Variants in SUSD6 observed in about 807,000 individuals in gnomAD.
SUSD6 encodes sushi domain containing 6.
In SUSD6, 16 loss-of-function variants were observed where a neutral mutation model predicts 28.4. That is an observed-to-expected ratio of 0.56 (90% CI 0.38 to 0.86). SUSD6 has a LOEUF of 0.86. Among genes scored for constraint, SUSD6 ranks in the 40% least tolerant of loss-of-function variants. The pLI, the probability that SUSD6 is intolerant of heterozygous loss-of-function variation, is 0.00. For missense variants in SUSD6, 341 were observed against 384.2 expected (o/e 0.89, Z 0.94); for synonymous variants, 147 against 159.6 (o/e 0.92, Z 0.59).
chr14:69,636,495 C>T (rs763384038), intron 1 of SUSD6, among the ~76,000 whole-genome samples: 13 of 152,352 alleles, frequency 8.5e-5, no homozygotes, highest in East Asian at 3.9e-4. Flanking sequence ...ACCTCAGACT[C>T]GCCTCCTCTT....
chr14:69,657,385 G>A (rs941217544), intron 1 of SUSD6, among the ~76,000 whole-genome samples: 3 of 152,098 alleles, frequency 2.0e-5, no homozygotes, highest in African/African-American at 7.2e-5. Flanking sequence ...AACCCGGGAG[G>A]TGGAGGTTGC....
At chr14:69,697,247 G>A (rs1449535451) in intron 2 of SUSD6, among the ~76,000 whole-genome samples, 3 of 152,142 alleles carry the variant, frequency 2.0e-5, no homozygotes, top group African/African-American at 7.2e-5. Flanking sequence ...CTTGGTTTTG[G>A]TGGGTTTTGG....
At chr14:69,671,995 C>T (rs575852477) in intron 2 of SUSD6, among the ~76,000 whole-genome samples, 7 of 152,216 alleles carry the variant, frequency 4.6e-5, no homozygotes, top group Admixed American at 1.3e-4. Context: ...GTAAAAGTCC[C>T]GGGTAAACAA....
chr14:69,689,809 G>A (rs1406746476), intron 2 of SUSD6, among the ~76,000 whole-genome samples: 1 of 152,170 alleles, frequency 6.6e-6, no homozygotes, highest in Non-Finnish European at 1.5e-5. Flanking sequence ...GGAATTACAG[G>A]TGTGTGCCAC....
chr14:69,617,717 A>G (rs1048759246), intron 1 of SUSD6: 1 of 152,210 alleles, frequency 6.6e-6, no homozygotes, highest in African/African-American at 2.4e-5. Flanking sequence ...TTCCTTATCA[A>G]ATGTGATTTA....
intron 2 of SUSD6, among the ~76,000 whole-genome samples, chr14:69,686,996 T>C (rs1448895035): frequency 6.6e-6 from 1 of 152,212 alleles, no homozygotes; most frequent in Admixed American, 6.5e-5. Flanking sequence ...TTATTTTGAG[T>C]CAGAGTCTTG....
At chr14:69,678,414 A>G (rs1885947125) in intron 2 of SUSD6, among the ~76,000 whole-genome samples, 1 of 151,736 alleles carries the variant, frequency 6.6e-6, no homozygotes, top group Non-Finnish European at 1.5e-5. Context: ...ATTTGCAGTG[A>G]TGATATGTAA....
intron 1 of SUSD6, among the ~76,000 whole-genome samples, chr14:69,629,948 T>G (rs932192738): frequency 8.5e-5 from 13 of 152,234 alleles, no homozygotes; most frequent in African/African-American, 3.1e-4. Context: ...AAACATTGTC[T>G]TGTCTCATTT....
At chr14:69,702,767 CAAAT>C (rs1216792458) in intron 2 of SUSD6, among the ~76,000 whole-genome samples, 1 of 152,152 alleles carries the variant, frequency 6.6e-6, no homozygotes, top group East Asian at 1.9e-4. Context: ...GTTGTCAGGA[CAAAT>C]AAGGCGGGAG....
At chr14:69,623,338 T>C (rs2139592593) in intron 1 of SUSD6, among the ~76,000 whole-genome samples, 1 of 152,344 alleles carries the variant, frequency 6.6e-6, no homozygotes. Context: ...TTCTATCATC[T>C]AGTGACATTG....
intron 2 of SUSD6, among the ~76,000 whole-genome samples, chr14:69,665,335 G>A (rs1032046073): frequency 2.0e-5 from 3 of 152,104 alleles, no homozygotes; most frequent in African/African-American, 7.2e-5. Context: ...CTGCCTCCTG[G>A]GTTAAAGTGA....
intron 2 of SUSD6, among the ~76,000 whole-genome samples, chr14:69,680,211 C>T (rs1033384721): frequency 2.0e-4 from 31 of 152,122 alleles, no homozygotes; most frequent in African/African-American, 7.2e-4. Flanking sequence ...TCTCTGCAGC[C>T]CCTAACCCAC....
intron 1 of SUSD6, among the ~76,000 whole-genome samples, chr14:69,648,777 A>T (rs1885462860): frequency 6.6e-6 from 1 of 152,184 alleles, no homozygotes; most frequent in Non-Finnish European, 1.5e-5. Flanking sequence ...GGAATACCAA[A>T]ATTTAGCTCC....
intron 1 of SUSD6, among the ~76,000 whole-genome samples, chr14:69,628,778 T>TG (rs1885152666): frequency 2.0e-5 from 3 of 146,838 alleles, no homozygotes; most frequent in African/African-American, 7.6e-5. Flanking sequence ...TGGAGTGCAG[T>TG]GGGGCTATGT....
chr14:69,638,016 T>G (rs539721452), intron 1 of SUSD6, among the ~76,000 whole-genome samples: 1 of 152,364 alleles, frequency 6.6e-6, no homozygotes, highest in East Asian at 1.9e-4. Flanking sequence ...ACTCTTGCTG[T>G]GTTTTTGTTA....
intron 1 of SUSD6, among the ~76,000 whole-genome samples, chr14:69,623,487 A>G (rs1885071488): frequency 6.6e-6 from 1 of 152,202 alleles, no homozygotes; most frequent in African/African-American, 2.4e-5. Context: ...TGATGATAAT[A>G]ACAGTGTTTC....
At chr14:69,645,810 C>T (rs1469791287) in intron 1 of SUSD6, among the ~76,000 whole-genome samples, 1 of 151,468 alleles carries the variant, frequency 6.6e-6, no homozygotes, top group African/African-American at 2.4e-5. Flanking sequence ...AGTGCAATGG[C>T]GCGATCTCAG....
intron 2 of SUSD6, among the ~76,000 whole-genome samples, chr14:69,686,415 TGTAAGA>T (rs944125477): frequency 2.0e-5 from 3 of 152,190 alleles, no homozygotes; most frequent in African/African-American, 4.8e-5. Context: ...CAGGTTCTGG[TGTAAGA>T]GTCGTGCAAA....
intron 1 of SUSD6, among the ~76,000 whole-genome samples, chr14:69,657,326 G>A (rs2139613872): frequency 6.6e-6 from 1 of 152,260 alleles, no homozygotes; most frequent in East Asian, 1.9e-4. Flanking sequence ...GTGGTGGCGG[G>A]CACCTGTAAT....
Sources: gnomAD v4.1 joint callset for allele counts (sites outside exome capture counted in the v4.1 genomes callset) on GRCh38, gnomAD v4.1.1 for gene constraint, MANE v1.5 for transcripts, NCBI Gene and HGNC (gene_info 2026-07-23, HGNC 2026-07-21) for gene names.